Variants in SLC37A2 observed in about 807,000 individuals in gnomAD.
The protein encoded by SLC37A2 is solute carrier family 37 member 2.
Under a neutral mutation model 70.7 loss-of-function variants are expected in SLC37A2, and 59 were observed. The observed-to-expected ratio is 0.83, with a 90% CI of 0.68 to 1.04. The LOEUF (loss-of-function observed/expected upper bound fraction) is 1.04, where lower values mean the gene tolerates loss of function less well. Among genes scored for constraint, SLC37A2 ranks in the 50% least tolerant of loss-of-function variants. The pLI is 0.00. For synonymous variants in SLC37A2, 257 were observed against 262.1 expected (o/e 0.98, Z 0.19); for missense variants, 580 against 658.1 (o/e 0.88, Z 1.30).
Position 125,077,286 on chromosome 11 carries a change from T to G in SLC37A2, c.198T>G (p.Ser66Arg), listed in dbSNP as rs765411432. The change falls in exon 3 of 18, where the codon AGT becomes AGG. Residue 66 changes from serine to arginine, a missense_variant. Ser to Arg is a moderately radical substitution (Grantham distance 110, BLOSUM62 -1). Transcript: ENST00000403796. ...EQIKPINDTH[S>R]LNDTMWCSWA... ...TCAAACCCATCAATGATACTCACAG[T>G]CTCAATGACACCATGTGGTGCAGCT... 11 of 1,608,588 alleles carry G rather than the reference T, an allele frequency of 6.8e-6. No homozygotes were observed.
Position 125,063,489 on chromosome 11 carries a change from C to T in SLC37A2, c.59+63C>T, listed in dbSNP as rs1948950957. ...CTGGGCTCGGGGCTTGCAGGGGCCGCGGGGGGCCTCGGAGATCACCCCAGA... is the reference window on the plus strand; with the variant it reads ...CTGGGCTCGGGGCTTGCAGGGGCCGTGGGGGGCCTCGGAGATCACCCCAGA... On this transcript the variant is annotated intron_variant, in intron 1 of 17. Coordinates refer to ENST00000403796, the MANE Select transcript of SLC37A2 (RefSeq NM_001145290.2). This position sits in a 1 kb window ranked among gnomAD's most constrained non-coding sequence, Gnocchi z 5.4. The T allele has an allele frequency of 6.8e-7, 1 of 1,466,010 alleles. No individual in the cohort carries two copies. Among genetic ancestry groups the T allele is most frequent in the Non-Finnish European group, 9.3e-7 (1 of 1,071,846 alleles). 90.8% of individuals were successfully genotyped at this position (1,466,010 alleles called of 1,614,324 possible).
intron 1 of SLC37A2, among the ~76,000 whole-genome samples, chr11:125,069,279 C>G (rs1470997571): frequency 1.3e-5 from 2 of 152,204 alleles, no homozygotes; most frequent in Admixed American, 6.5e-5. Flanking sequence ...AATGACTGAG[C>G]TGGAGTTGGA....
At chr11:125,079,335 G>A (rs1949123494) in intron 5 of SLC37A2, 88 bp downstream of exon 5, 2 of 1,531,230 alleles carry the variant, frequency 1.3e-6, no homozygotes, top group Non-Finnish European at 1.8e-6. Context: ...GGGAGCCTGT[G>A]TTCCTGGCTC....
In SLC37A2 at chr11:125,080,774, A is replaced by T; in HGVS notation, c.688A>T (p.Ile230Phe). ...VMGVITFLFL[I>F]EHPEDVDCAP... is the part of the protein sequence containing the mutation. ...GGGCGTCATCACCTTCCTCTTCCTCATCGAACGTGAGTGGGCCCCTCACTC... is the reference window on the plus strand; with the variant it reads ...GGGCGTCATCACCTTCCTCTTCCTCTTCGAACGTGAGTGGGCCCCTCACTC... Residue 230 changes from isoleucine (I) to phenylalanine (F), a missense_variant, in exon 7 of 18, where the codon ATC becomes TTC. Coordinates refer to ENST00000403796, the MANE Select transcript of SLC37A2 (RefSeq NM_001145290.2). This position sits in a 1 kb window ranked among gnomAD's most constrained non-coding sequence, Gnocchi z 4.3. 5.4e-6 allele frequency: 8 copies of T among 1,475,904 alleles called. No homozygotes were observed. The highest frequency in any genetic ancestry group is 7.2e-6 in the Non-Finnish European group (8 of 1,105,480). The allele number at this position is 1,475,904 out of a possible 1,614,324, so 91.4% of individuals were successfully genotyped here. A position where few individuals can be genotyped will look rare whatever the true frequency, so the allele number is the denominator to read the frequency against.
At chr11:125,065,900 T>A (rs1176839335) in intron 1 of SLC37A2, among the ~76,000 whole-genome samples, 4 of 152,224 alleles carry the variant, frequency 2.6e-5, no homozygotes, top group Admixed American at 6.5e-5. Context: ...GAAAGCAGAA[T>A]CTACTAAGTT....
At position 125,063,439 on chromosome 11, in the gene SLC37A2, G is replaced by T; in HGVS notation, c.59+13G>T. 6.2e-7 allele frequency: 1 copy of T among 1,608,726 alleles called. No individual in the cohort carries two copies. The highest frequency in any genetic ancestry group is 8.5e-7 in the Non-Finnish European group (1 of 1,178,112). On this transcript the variant is annotated intron_variant, in intron 1 of 17. Coordinates refer to ENST00000403796, the MANE Select transcript of SLC37A2 (RefSeq NM_001145290.2). This position sits in a 1 kb window ranked among gnomAD's most constrained non-coding sequence, Gnocchi z 5.4. ...CCAGGGACAGCTGGTGAGCGGGGCA[G>T]GGGAGGGAGGCGTGCCGGGACCTCC...
chr11:125,082,911 G>A (rs944183779), intron 10 of SLC37A2, among the ~76,000 whole-genome samples: 2 of 152,336 alleles, frequency 1.3e-5, no homozygotes, highest in African/African-American at 4.8e-5. Context: ...TAGATGAGAA[G>A]AGCTCATTTG....
chr11:125,077,325 T>A lies in SLC37A2; in HGVS notation c.235+2T>A. The A allele has an allele frequency of 2.5e-6, 4 of 1,600,618 alleles. No individual in the cohort carries two copies. Among genetic ancestry groups the A allele is most frequent in the Non-Finnish European group, 3.4e-6 (4 of 1,173,752 alleles). ...TGTGGTGCAGCTGGGCCCCATTTGG[T>A]AAGAACAGGGCAAGTTGCTCTTCCC... On this transcript the variant is annotated splice_donor_variant, in intron 3 of 17. Transcript: ENST00000403796. LOFTEE classifies it high-confidence loss of function.
chr11:125,082,180 G>T lies in SLC37A2; in HGVS notation c.886-64G>T, dbSNP rs1949158049. ...ACTGGGGTGGTGCTGAGCACCCCTT[G>T]GGGCCACCACTGAACCCAGGACCTC... On this transcript the variant is annotated intron_variant, in intron 9 of 17. Coordinates refer to ENST00000403796, the MANE Select transcript of SLC37A2 (RefSeq NM_001145290.2). The T allele has an allele frequency of 6.6e-6, 10 of 1,516,948 alleles. 1 individual carries two copies. In the South Asian group the frequency reaches 1.1e-4, roughly 17 times the overall value. 94.0% of individuals were successfully genotyped at this position (1,516,948 alleles called of 1,614,324 possible).
intron 8 of SLC37A2, 97 bp from the exon 9 acceptor site, chr11:125,081,657 A>C: frequency 6.8e-7 from 1 of 1,469,702 alleles, no homozygotes; most frequent in South Asian, 1.4e-5. Context: ...GTGCCTCCCC[A>C]TCCTGGGAGC....
In SLC37A2 at chr11:125,085,675, G is replaced by A; in HGVS notation, c.1425+1G>A. On this transcript the variant is annotated splice_donor_variant, in intron 16 of 17. Coordinates refer to ENST00000403796, the MANE Select transcript of SLC37A2 (RefSeq NM_001145290.2). LOFTEE classifies it high-confidence loss of function. ...CTCTGCCGACGTCCTAGCCTGCTTG[G>A]TAAGAGTCTTGGGGTACACAGATAG... 2 of 1,612,264 alleles carry A rather than the reference G, an allele frequency of 1.2e-6. No individual in the cohort carries two copies. The highest frequency in any genetic ancestry group is 1.3e-5 in the African/African-American group (1 of 75,006).
intron 12 of SLC37A2, 87 bp from the exon 13 acceptor site, chr11:125,084,738 G>T: frequency 7.1e-7 from 1 of 1,405,088 alleles, no homozygotes; most frequent in Non-Finnish European, 1.0e-6. Context: ...TGGGGTTTCA[G>T]GGCAGGAGAT....
chr11:125,068,040 T>C (rs1479052433), intron 1 of SLC37A2, among the ~76,000 whole-genome samples: 1 of 152,198 alleles, frequency 6.6e-6, no homozygotes, highest in Non-Finnish European at 1.5e-5. Context: ...TTATAAACCA[T>C]CTAGAACACA....
intron 13 of SLC37A2, 74 bp from the exon 14 acceptor site, chr11:125,084,992 A>G: frequency 6.3e-7 from 1 of 1,590,774 alleles, no homozygotes. Context: ...TGAAGGCTGG[A>G]GAGTGCTCCT....
chr11:125,084,804 C>G, intron 12 of SLC37A2, 21 bp from the exon 13 acceptor site: 1 of 1,612,614 alleles, frequency 6.2e-7, no homozygotes, highest in Non-Finnish European at 8.5e-7. Context: ...GTGACTCTGC[C>G]TCTCCCCTCT....
chr11:125,076,937 G>T, intron 2 of SLC37A2, 99 bp downstream of exon 2: 1 of 1,138,544 alleles, frequency 8.8e-7, no homozygotes, highest in South Asian at 1.3e-5. Flanking sequence ...CACCTGGCAG[G>T]CTCCCACTCT....
At chr11:125,073,271 T>C (rs535635869) in intron 1 of SLC37A2, among the ~76,000 whole-genome samples, 2 of 152,294 alleles carry the variant, frequency 1.3e-5, no homozygotes, top group African/African-American at 4.8e-5. Flanking sequence ...CAAGAAGCCA[T>C]AGGGCCCACC....
chr11:125,088,279 GCCTAA>G lies in SLC37A2; in HGVS notation c.*146_*150del. 4 of 867,858 alleles carry G rather than the reference GCCTAA, an allele frequency of 4.6e-6. No individual in the cohort carries two copies. Among genetic ancestry groups the G allele is most frequent in the Non-Finnish European group, 7.1e-6 (4 of 561,534 alleles). 53.8% of individuals were successfully genotyped at this position (867,858 alleles called of 1,614,324 possible). A position where few individuals can be genotyped will look rare whatever the true frequency, so the allele number is the denominator to read the frequency against. On this transcript the variant is annotated 3_prime_UTR_variant, in exon 18 of 18. Coordinates refer to ENST00000403796, the MANE Select transcript of SLC37A2 (RefSeq NM_001145290.2). The stretch of plus-strand genomic sequence containing the variant: ...CCAGCCCAGCCCAGACCCCAGGGCT[GCCTAA>G]GGACACAGAGATTCTCCATGGGAAG...
chr11:125,084,730 G>A, intron 12 of SLC37A2, 95 bp from the exon 13 acceptor site: 1 of 1,292,206 alleles, frequency 7.7e-7, no homozygotes, highest in Non-Finnish European at 1.1e-6. Context: ...ATGCCCTCTG[G>A]GGTTTCAGGG....
Sources: gnomAD v4.1 joint callset for allele counts (sites outside exome capture counted in the v4.1 genomes callset) on GRCh38, gnomAD v4.1.1 for gene constraint, Gnocchi (gnomAD v3.1) non-coding constraint, MANE v1.5 for transcripts, NCBI Gene and HGNC (gene_info 2026-07-23, HGNC 2026-07-21) for gene names.